MAD1L1: variants seen among roughly 807,000 people sequenced by gnomAD.
MAD1L1 encodes the protein mitotic arrest deficient 1 like 1.
Under a neutral mutation model 96.9 loss-of-function variants are expected in MAD1L1, and 95 were observed. The observed-to-expected ratio is 0.98, with a 90% CI of 0.83 to 1.16. The LOEUF (loss-of-function observed/expected upper bound fraction) is 1.16. Ranked by LOEUF, MAD1L1 falls within the 50% of genes most tolerant of loss-of-function variation. The probability of loss-of-function intolerance (pLI) is 0.00; values close to 1 mark genes in which losing one functional copy is unlikely to be tolerated. For missense variants in MAD1L1, 1,007 were observed against 954.4 expected, an observed-to-expected ratio of 1.06 and a Z score of -0.73; for synonymous variants, 473 against 396.6, an observed-to-expected ratio of 1.19 and a Z score of -2.29.
intron 12 of MAD1L1, among the ~76,000 whole-genome samples, chr7:2,037,206 TC>T (rs1319848518): frequency 6.9e-6 from 1 of 144,878 alleles, no homozygotes; most frequent in African/African-American, 2.8e-5. Context: ...AATAGACTCT[TC>T]TTTTTTTTTT....
intron 12 of MAD1L1, among the ~76,000 whole-genome samples, chr7:2,023,928 G>A (rs914018246): frequency 6.6e-6 from 1 of 151,878 alleles, no homozygotes; most frequent in African/African-American, 2.4e-5. Context: ...CAGCCTGGGA[G>A]ACAGAGCAAG....
At chr7:1,824,308 T>C (rs1249880127) in intron 18 of MAD1L1, among the ~76,000 whole-genome samples, 4 of 152,042 alleles carry the variant, frequency 2.6e-5, no homozygotes, top group African/African-American at 9.7e-5. Flanking sequence ...TAACCTCGGC[T>C]TGGCCACCAG....
intron 10 of MAD1L1, among the ~76,000 whole-genome samples, chr7:2,198,084 T>G (rs1038033198): frequency 6.1e-5 from 8 of 131,098 alleles, no homozygotes; most frequent in Non-Finnish European, 1.4e-4. Context: ...TGAGTTTGGG[T>G]TTTTTTTTTT....
chr7:2,032,013 C>T (rs1168657693), intron 12 of MAD1L1, among the ~76,000 whole-genome samples: 5 of 152,230 alleles, frequency 3.3e-5, no homozygotes, highest in African/African-American at 1.2e-4. Flanking sequence ...TCTTACAGTG[C>T]TGCAAAGTCT....
chr7:1,973,101 G>A (rs192925941), intron 15 of MAD1L1, among the ~76,000 whole-genome samples: 433 of 152,322 alleles, frequency 2.8e-3, no homozygotes, highest in African/African-American at 9.7e-3. Context: ...CCAGGTGAAT[G>A]CAGAGGCAAG....
chr7:1,927,868 A>G (rs1016444659), intron 17 of MAD1L1, among the ~76,000 whole-genome samples: 2 of 152,186 alleles, frequency 1.3e-5, no homozygotes, highest in African/African-American at 4.8e-5. Context: ...AGGGTCAGAA[A>G]ATGAAGAGGC....
chr7:1,824,092 G>A (rs1206823371), intron 18 of MAD1L1, among the ~76,000 whole-genome samples: 1 of 152,146 alleles, frequency 6.6e-6, no homozygotes, highest in Non-Finnish European at 1.5e-5. Flanking sequence ...CTGGGCCTAG[G>A]CACTGCAGGA....
chr7:1,898,148 A>G (rs12670878), intron 18 of MAD1L1, 52 bp downstream of exon 18: 30,264 of 1,518,044 alleles, frequency 0.02, 1,126 homozygotes, highest in African/African-American at 0.13. Flanking sequence ...ATCTCCCCAC[A>G]GGAGGAGACA....
At chr7:1,985,366 G>T (rs57148375) in intron 14 of MAD1L1, among the ~76,000 whole-genome samples, 2 of 152,186 alleles carry the variant, frequency 1.3e-5, no homozygotes. Context: ...CCTGCAGAGC[G>T]GACTGGGCAC....
At chr7:1,948,044 G>A (rs1016895248) in intron 16 of MAD1L1, among the ~76,000 whole-genome samples, 1 of 152,172 alleles carries the variant, frequency 6.6e-6, no homozygotes, top group African/African-American at 2.4e-5. Flanking sequence ...ACTGGATGGG[G>A]GTAGGACAGA....
chr7:1,888,304 GTGAC>G (rs1474155413), intron 18 of MAD1L1, among the ~76,000 whole-genome samples: 2 of 138,940 alleles, frequency 1.4e-5, no homozygotes, highest in Non-Finnish European at 3.2e-5. Context: ...ATGCGTCTAT[GTGAC>G]TGCCTATGTG....
At chr7:2,076,765 A>G (rs1268138711) in intron 11 of MAD1L1, among the ~76,000 whole-genome samples, 1 of 151,958 alleles carries the variant, frequency 6.6e-6, no homozygotes. Context: ...GGTGAGCCCA[A>G]GACGGTTACG....
chr7:1,973,620 C>T (rs1029527797), intron 15 of MAD1L1, among the ~76,000 whole-genome samples: 3 of 152,178 alleles, frequency 2.0e-5, no homozygotes, highest in Non-Finnish European at 4.4e-5. Flanking sequence ...GGGGTGCGAG[C>T]TGGGCCCCTG....
chr7:1,863,498 G>A lies in MAD1L1; in HGVS notation c.1998+34702C>T, dbSNP rs563844402. Among the ~76,000 whole-genome samples, 165 of 152,358 alleles carry A rather than the reference G, an allele frequency of 1.1e-3. 1 individual carries two copies. Among genetic ancestry groups the A allele is most frequent in the African/African-American group, 3.8e-3 (160 of 41,574 alleles). On this transcript the variant is annotated intron_variant, in intron 18 of 18. Coordinates refer to ENST00000265854, the MANE Select transcript of MAD1L1 (RefSeq NM_001013836.2). The stretch of plus-strand genomic sequence containing the variant: ...TGGGGAGGGTCTGGAACAAGCCCCC[G>A]CACAGCACGGCCTGGCTGAAGGCCC...
At chr7:1,960,437 C>A (rs764046946) in intron 15 of MAD1L1, among the ~76,000 whole-genome samples, 12 of 152,124 alleles carry the variant, frequency 7.9e-5, no homozygotes, top group Non-Finnish European at 1.5e-4. Flanking sequence ...CAATAATGCA[C>A]TTTAAATACA....
chr7:2,062,174 G>A (rs1265189784), intron 12 of MAD1L1, among the ~76,000 whole-genome samples: 1 of 151,610 alleles, frequency 6.6e-6, no homozygotes, highest in Non-Finnish European at 1.5e-5. Flanking sequence ...CCCAAGAGAC[G>A]GAGGTTGCAG....
At chr7:1,910,305 T>TG (rs1318879020) in intron 17 of MAD1L1, among the ~76,000 whole-genome samples, 1 of 152,076 alleles carries the variant, frequency 6.6e-6, no homozygotes, top group Non-Finnish European at 1.5e-5. Context: ...CCTGCATATG[T>TG]GGGGGGACGT....
intron 17 of MAD1L1, among the ~76,000 whole-genome samples, chr7:1,936,362 A>G (rs1313045580): frequency 1.3e-5 from 2 of 152,220 alleles, no homozygotes; most frequent in African/African-American, 2.4e-5. Flanking sequence ...TTCGTGGAGG[A>G]CTGGATTTAC....
At chr7:1,876,262 C>T (rs1434470914) in intron 18 of MAD1L1, among the ~76,000 whole-genome samples, 2 of 152,190 alleles carry the variant, frequency 1.3e-5, no homozygotes, top group Non-Finnish European at 2.9e-5. Flanking sequence ...GTTAAACCAG[C>T]TCCTTCTCTG....
Sources: allele counts gnomAD v4.1 joint callset (sites outside exome capture counted in the v4.1 genomes callset), GRCh38; gene constraint gnomAD v4.1.1; transcripts MANE v1.5; gene names NCBI Gene and HGNC (gene_info 2026-07-23, HGNC 2026-07-21).